Variants in FRMD5 observed in about 807,000 individuals in gnomAD.
The protein encoded by FRMD5 is FERM domain-containing protein 5.
FRMD5 carries 20 observed loss-of-function variants against 69.0 expected under a neutral mutation model. That is an observed-to-expected ratio of 0.29 (90% CI 0.20 to 0.42). FRMD5 has a LOEUF of 0.42. FRMD5 is among the 10% of genes least tolerant of loss of function. The probability of loss-of-function intolerance (pLI) is 1.00; values close to 1 mark genes in which losing one functional copy is unlikely to be tolerated. For synonymous variants in FRMD5, 271 were observed against 260.1 expected (o/e 1.04, Z -0.40); for missense variants, 595 against 708.6 (o/e 0.84, Z 1.82).
intron 1 of FRMD5, among the ~76,000 whole-genome samples, chr15:43,959,150 C>T (rs1406133246): frequency 6.6e-6 from 1 of 152,240 alleles, no homozygotes; most frequent in Non-Finnish European, 1.5e-5. Context: ...TCATAGCTCA[C>T]TGCCTCAATT....
intron 1 of FRMD5, among the ~76,000 whole-genome samples, chr15:43,969,533 G>C (rs1780440607): frequency 6.6e-6 from 1 of 152,086 alleles, no homozygotes; most frequent in African/African-American, 2.4e-5. Flanking sequence ...AGAGAGATAT[G>C]GTCCCTCTCC....
At chr15:44,021,951 A>G (rs1019730505) in intron 1 of FRMD5, among the ~76,000 whole-genome samples, 3 of 152,266 alleles carry the variant, frequency 2.0e-5, no homozygotes, top group Non-Finnish European at 4.4e-5. Context: ...AATAGTATTT[A>G]GCCTTAAAAG....
chr15:43,909,624 G>A (rs1044582312), intron 5 of FRMD5, among the ~76,000 whole-genome samples: 1 of 152,032 alleles, frequency 6.6e-6, no homozygotes, highest in Non-Finnish European at 1.5e-5. Context: ...GGGACTACAG[G>A]TGTGTGCCAC....
At chr15:44,058,785 CAAA>C (rs34213454) in intron 1 of FRMD5, among the ~76,000 whole-genome samples, 3 of 122,714 alleles carry the variant, frequency 2.4e-5, no homozygotes, top group Non-Finnish European at 1.6e-5. Context: ...GACTCCGTCT[CAAA>C]AAAAAAAAAA....
chr15:44,115,444 G>A (rs2076855147), intron 1 of FRMD5, among the ~76,000 whole-genome samples: 1 of 152,050 alleles, frequency 6.6e-6, no homozygotes, highest in African/African-American at 2.4e-5. Flanking sequence ...ACTTCAGCTG[G>A]AAATGCGTTT....
At chr15:43,882,168 C>G (rs2088546310) in intron 13 of FRMD5, among the ~76,000 whole-genome samples, 1 of 152,164 alleles carries the variant, frequency 6.6e-6, no homozygotes, top group South Asian at 2.1e-4. Context: ...AAGAGCGCCT[C>G]CTAACAGCAT....
At chr15:44,144,723 T>C (rs902597965) in intron 1 of FRMD5, among the ~76,000 whole-genome samples, 3 of 152,218 alleles carry the variant, frequency 2.0e-5, no homozygotes, top group African/African-American at 7.2e-5. Context: ...AAATATGCCA[T>C]TGTTATACTT....
chr15:44,101,171 C>T (rs2076635015), intron 1 of FRMD5, among the ~76,000 whole-genome samples: 1 of 150,002 alleles, frequency 6.7e-6, no homozygotes. Context: ...AACAAACAAA[C>T]AGAAAAGAAA....
In FRMD5 at chr15:44,034,883, C is replaced by G. The variant is rs142223844; in HGVS notation, c.103-110574G>C. Among the ~76,000 whole-genome samples the G allele has an allele frequency of 5.1e-3, 780 of 152,218 alleles. 6 individuals carry two copies. Among genetic ancestry groups the G allele is most frequent in the African/African-American group, 0.018 (745 of 41,522 alleles). ...GTGCTTCTAACTATTTTCCCTCTACCCAGGTTAGAGATCTCTCCAACCTGT... is the reference window on the plus strand; with the variant it reads ...GTGCTTCTAACTATTTTCCCTCTACGCAGGTTAGAGATCTCTCCAACCTGT... On this transcript the variant is annotated intron_variant, in intron 1 of 13. Coordinates refer to ENST00000417257, the MANE Select transcript of FRMD5 (RefSeq NM_032892.5).
intron 1 of FRMD5, among the ~76,000 whole-genome samples, chr15:43,959,334 T>G (rs1399550441): frequency 6.6e-6 from 1 of 152,256 alleles, no homozygotes; most frequent in Non-Finnish European, 1.5e-5. Context: ...CGAAATATTT[T>G]AAGGTTTATA....
intron 6 of FRMD5, 56 bp from the exon 7 acceptor site, chr15:43,902,318 G>C: frequency 7.3e-7 from 1 of 1,372,438 alleles, no homozygotes; most frequent in Non-Finnish European, 1.0e-6. Flanking sequence ...AGGTTCCCCT[G>C]AGGTAAACTC....
chr15:44,020,339 T>C (rs1045930976), intron 1 of FRMD5, among the ~76,000 whole-genome samples: 1 of 152,194 alleles, frequency 6.6e-6, no homozygotes, highest in Non-Finnish European at 1.5e-5. Context: ...CATAGGTCTG[T>C]TGTCCTCAAT....
chr15:44,151,735 GA>G (rs1165202310), intron 1 of FRMD5, among the ~76,000 whole-genome samples: 4 of 151,700 alleles, frequency 2.6e-5, no homozygotes, highest in Non-Finnish European at 5.9e-5. Context: ...AGCAAGGAAA[GA>G]AAAAAAAGTT....
intron 1 of FRMD5, among the ~76,000 whole-genome samples, chr15:44,013,151 A>C (rs575940834): frequency 1.3e-5 from 2 of 152,314 alleles, no homozygotes; most frequent in African/African-American, 4.8e-5. Flanking sequence ...TACTTTGAGA[A>C]GCTGAGGCAG....
chr15:44,150,009 T>A (rs2077418341), intron 1 of FRMD5, among the ~76,000 whole-genome samples: 1 of 151,850 alleles, frequency 6.6e-6, no homozygotes, highest in Non-Finnish European at 1.5e-5. Context: ...GTTCAACATA[T>A]GAAAATCAAT....
chr15:44,114,220 C>T (rs1003163934), intron 1 of FRMD5, among the ~76,000 whole-genome samples: 4 of 152,084 alleles, frequency 2.6e-5, no homozygotes, highest in Admixed American at 6.6e-5. Context: ...AAAAGAATTT[C>T]GCAGTATTCA....
chr15:44,174,929 A>G (rs1265304021), intron 1 of FRMD5, among the ~76,000 whole-genome samples: 1 of 152,064 alleles, frequency 6.6e-6, no homozygotes, highest in Non-Finnish European at 1.5e-5. Flanking sequence ...GGAGAGGGAG[A>G]GCATTAGAAC....
At chr15:44,144,851 T>C (rs537436095) in intron 1 of FRMD5, among the ~76,000 whole-genome samples, 10 of 152,320 alleles carry the variant, frequency 6.6e-5, no homozygotes, top group African/African-American at 2.4e-4. Flanking sequence ...AAACCTGTGC[T>C]TGTTCCCTTT....
intron 1 of FRMD5, among the ~76,000 whole-genome samples, chr15:44,049,874 T>C (rs1892582077): frequency 6.6e-6 from 1 of 152,216 alleles, no homozygotes; most frequent in African/African-American, 2.4e-5. Context: ...ATTACTGATT[T>C]TGGATAGTAT....
Sources: gnomAD v4.1 joint callset for allele counts (sites outside exome capture counted in the v4.1 genomes callset) on GRCh38, gnomAD v4.1.1 for gene constraint, MANE v1.5 for transcripts, NCBI Gene and HGNC (gene_info 2026-07-23, HGNC 2026-07-21) for gene names.